The following NWD2 variants were observed in gnomAD, a reference collection of about 807,000 sequenced individuals.
NWD2 encodes NACHT and WD repeat domain containing 2.
NWD2 carries 37 observed loss-of-function variants against 132.7 expected under a neutral mutation model. The ratio of observed to expected loss-of-function variants is 0.28; its 90% CI spans 0.21 to 0.37. NWD2 has a LOEUF of 0.37. Among genes scored for constraint, NWD2 ranks in the 10% least tolerant of loss-of-function variants. The probability of loss-of-function intolerance (pLI) is 1.00; values close to 1 mark genes in which losing one functional copy is unlikely to be tolerated. For synonymous variants in NWD2, 705 were observed against 803.0 expected (o/e 0.88, Z 2.06); for missense variants, 1,592 against 2,122.4 (o/e 0.75, Z 4.91).
At chr4:37,392,397 C>T (rs1316159071) in intron 3 of NWD2, among the ~76,000 whole-genome samples, 2 of 152,134 alleles carry the variant, frequency 1.3e-5, no homozygotes, top group South Asian at 2.1e-4. Context: ...CTCAGCTATA[C>T]TGACACCTTA....
intron 3 of NWD2, among the ~76,000 whole-genome samples, chr4:37,410,663 A>G (rs763688619): frequency 1.3e-5 from 2 of 152,188 alleles, no homozygotes; most frequent in Non-Finnish European, 2.9e-5. Flanking sequence ...ACATCTACTG[A>G]ACTCTCCACC....
intron 6 of NWD2, among the ~76,000 whole-genome samples, chr4:37,440,670 A>G (rs1712457852): frequency 6.6e-6 from 1 of 152,186 alleles, no homozygotes; most frequent in African/African-American, 2.4e-5. Flanking sequence ...CTTCTTTTTC[A>G]GACTAGCAGC....
In NWD2 at chr4:37,368,824, G is replaced by A. The variant is rs565323971; in HGVS notation, c.357+12342G>A. ...GCCAGACCTTCTAAGTTAAATTTCCGCTTAAGCTTGTTAGCAGTGAGGAGG... is the reference window on the plus strand; with the variant it reads ...GCCAGACCTTCTAAGTTAAATTTCCACTTAAGCTTGTTAGCAGTGAGGAGG... On this transcript the variant is annotated intron_variant, in intron 3 of 6. Transcript: ENST00000309447. Among the ~76,000 whole-genome samples, 21 of 152,248 alleles carry A rather than the reference G, an allele frequency of 1.4e-4. No homozygotes were observed. In the South Asian group the frequency reaches 2.1e-3, roughly 15 times the overall value.
Position 37,318,628 on chromosome 4 carries a change from G to T in NWD2, c.152-7308G>T, listed in dbSNP as rs117789104. Among the ~76,000 whole-genome samples, 784 of 151,914 alleles carry T rather than the reference G, an allele frequency of 5.2e-3. 47 individuals carry two copies. In the East Asian group the frequency reaches 0.12, roughly 24 times the overall value. On this transcript the variant is annotated intron_variant, in intron 1 of 6. Transcript: ENST00000309447. ...ACAGAAGTCCTCAATTTCTGTTGTT[G>T]CCATCTTTATATCCATTAGTAACCA...
intron 1 of NWD2, among the ~76,000 whole-genome samples, chr4:37,281,791 T>G (rs1384205119): frequency 6.6e-6 from 1 of 152,202 alleles, no homozygotes; most frequent in African/African-American, 2.4e-5. Flanking sequence ...TTATATATTT[T>G]TATCTAACAT....
intron 3 of NWD2, among the ~76,000 whole-genome samples, chr4:37,380,119 T>C (rs1720423643): frequency 6.6e-6 from 1 of 152,220 alleles, no homozygotes; most frequent in Non-Finnish European, 1.5e-5. Context: ...ACAGCAACCC[T>C]GTGAGTTGCA....
Position 37,444,241 on chromosome 4 carries a change from C to A in NWD2, c.2253C>A (p.Asp751Glu). The A allele has an allele frequency of 6.4e-7, 1 of 1,551,688 alleles. No individual in the cohort carries two copies. Among genetic ancestry groups the A allele is most frequent in the South Asian group, 1.2e-5 (1 of 84,056 alleles). The change falls in exon 7 of 7, where the codon GAC (aspartate) becomes GAA (glutamate). Residue 751 changes from aspartate (D) to glutamate (E), a missense_variant. Transcript: ENST00000309447. The surrounding 1 kb of genome is among the most constrained non-coding windows in gnomAD (Gnocchi z 4.8). ...AQKLYLQDDN[D>E]LREMHTILAD... is the part of the protein sequence containing the mutation. ...AGCTATATCTGCAGGATGACAATGA[C>A]CTGCGTGAAATGCACACCATCTTAG... is the stretch of plus-strand genomic sequence containing the variant.
intron 3 of NWD2, among the ~76,000 whole-genome samples, chr4:37,384,657 C>T (rs980880536): frequency 5.3e-5 from 8 of 152,210 alleles, no homozygotes; most frequent in Non-Finnish European, 7.3e-5. Context: ...TCTTCTCTTG[C>T]AAGTTCTGGC....
intron 1 of NWD2, among the ~76,000 whole-genome samples, chr4:37,298,489 T>C (rs1239571156): frequency 6.6e-6 from 1 of 152,216 alleles, no homozygotes; most frequent in Admixed American, 6.5e-5. Flanking sequence ...TTCTTTTTGC[T>C]TATTAATTGC....
intron 3 of NWD2, among the ~76,000 whole-genome samples, chr4:37,357,795 A>G (rs1560403265): frequency 2.6e-5 from 4 of 152,082 alleles, no homozygotes; most frequent in Non-Finnish European, 5.9e-5. Context: ...AAGAGAGAAT[A>G]CCAGCGAGGG....
rs923085612 is a variant in NWD2 at position 37,245,146 on chromosome 4, C to T, written c.79C>T (p.Leu27Phe). 14 of 1,547,810 alleles carry T rather than the reference C, an allele frequency of 9.0e-6. No individual in the cohort carries two copies. Among genetic ancestry groups the T allele is most frequent in the Admixed American group, 2.0e-5 (1 of 50,986 alleles). ...CCGGCGGGCGGCTTTCTCTGGGAAC[C>T]TCACGGCCCTGCCCTCTCACCTCGT... Reference protein sequence around the residue: ...ALRRAAFSGNLTALPSHLVPA... With the variant: ...ALRRAAFSGNFTALPSHLVPA... The change falls in exon 1 of 7, where the codon CTC becomes TTC. Residue 27 changes from leucine to phenylalanine, a missense_variant. Coordinates refer to ENST00000309447, the MANE Select transcript of NWD2 (RefSeq NM_001144990.2).
At chr4:37,293,079 G>A (rs1470302730) in intron 1 of NWD2, among the ~76,000 whole-genome samples, 4 of 152,102 alleles carry the variant, frequency 2.6e-5, no homozygotes, top group Admixed American at 6.5e-5. Flanking sequence ...AATTGTAAAC[G>A]GGCTGGTACT....
intron 2 of NWD2, 58 bp from the exon 3 acceptor site, chr4:37,356,308 T>C (rs751103761): frequency 1.0e-5 from 9 of 884,222 alleles, no homozygotes; most frequent in South Asian, 4.2e-5. Context: ...TAGCTTGACA[T>C]TGTAAATAAA....
chr4:37,432,419 TATC>T (rs1290172679), intron 4 of NWD2, among the ~76,000 whole-genome samples: 2 of 151,648 alleles, frequency 1.3e-5, no homozygotes, highest in Non-Finnish European at 2.9e-5. Context: ...ATCATAATCA[TATC>T]ATCATCATAA....
chr4:37,399,141 T>C lies in NWD2; in HGVS notation c.358-31431T>C, dbSNP rs370079630. Among the ~76,000 whole-genome samples, 13 of 152,370 alleles carry C rather than the reference T, an allele frequency of 8.5e-5. No individual in the cohort carries two copies. In the East Asian group the frequency reaches 2.5e-3, roughly 29 times the overall value. ...GTTGCACATTTAGAGACGTTGCAGA[T>C]GAGGTCCACATATGAAGGTCAATGC... On this transcript the variant is annotated intron_variant, in intron 3 of 6. Coordinates refer to ENST00000309447, the MANE Select transcript of NWD2 (RefSeq NM_001144990.2).
intron 3 of NWD2, among the ~76,000 whole-genome samples, chr4:37,378,272 T>C (rs1720385489): frequency 5.0e-5 from 1 of 19,816 alleles, no homozygotes; most frequent in Admixed American, 8.1e-4. Context: ...CCTATATTGA[T>C]GTCTGAATTG....
chr4:37,421,384 C>T (rs1577698095), intron 3 of NWD2, among the ~76,000 whole-genome samples: 1 of 152,164 alleles, frequency 6.6e-6, no homozygotes, highest in African/African-American at 2.4e-5. Context: ...TATGGCTGTT[C>T]CCTTTGTTCT....
At chr4:37,322,545 A>C (rs1026841330) in intron 1 of NWD2, among the ~76,000 whole-genome samples, 11 of 152,166 alleles carry the variant, frequency 7.2e-5, no homozygotes, top group African/African-American at 2.7e-4. Context: ...GCTTGGGGAG[A>C]GAGAGAACAC....
chr4:37,265,573 G>C (rs1299906618), intron 1 of NWD2, among the ~76,000 whole-genome samples: 1 of 152,036 alleles, frequency 6.6e-6, no homozygotes, highest in Non-Finnish European at 1.5e-5. Context: ...GACTCTAGGT[G>C]CATTTCTTGG....
Sources: gnomAD v4.1 joint callset for allele counts (sites outside exome capture counted in the v4.1 genomes callset) on GRCh38, gnomAD v4.1.1 for gene constraint, Gnocchi (gnomAD v3.1) non-coding constraint, MANE v1.5 for transcripts, NCBI Gene and HGNC (gene_info 2026-07-23, HGNC 2026-07-21) for gene names.